The following GRM8 variants were observed in gnomAD, a reference collection of about 807,000 sequenced individuals.
The protein encoded by GRM8 is glutamate metabotropic receptor 8.
In GRM8, 47 loss-of-function variants were observed where a neutral mutation model predicts 87.2. The ratio of observed to expected loss-of-function variants is 0.54; its 90% confidence interval spans 0.43 to 0.69. The LOEUF (loss-of-function observed/expected upper bound fraction) is 0.69, where lower values mean the gene tolerates loss of function less well. Ranked by LOEUF, GRM8 falls within the 30% of genes least tolerant of loss-of-function variation. GRM8 has a pLI of 0.00. For synonymous variants in GRM8, 396 were observed against 404.5 expected (o/e 0.98, Z 0.25); for missense variants, 1,019 against 1,139.2 (o/e 0.89, Z 1.52).
At chr7:127,197,449 A>T (rs987179170) in intron 2 of GRM8, among the ~76,000 whole-genome samples, 5 of 152,200 alleles carry the variant, frequency 3.3e-5, no homozygotes, top group Non-Finnish European at 7.4e-5. Context: ...CAAGAGGGAG[A>T]GGGTTGTGAC....
At chr7:127,061,035 C>T (rs899733486) in intron 3 of GRM8, among the ~76,000 whole-genome samples, 5 of 152,202 alleles carry the variant, frequency 3.3e-5, no homozygotes, top group Admixed American at 6.5e-5. Flanking sequence ...CCATGTTGCA[C>T]ACCTACCTTG....
intron 3 of GRM8, among the ~76,000 whole-genome samples, chr7:127,023,569 T>G (rs1247605951): frequency 3.3e-5 from 5 of 152,130 alleles, no homozygotes; most frequent in Non-Finnish European, 7.4e-5. Flanking sequence ...GCTAGTCATA[T>G]TCTAAAACCT....
chr7:126,950,700 T>C (rs1430954437), intron 3 of GRM8, among the ~76,000 whole-genome samples: 1 of 152,158 alleles, frequency 6.6e-6, no homozygotes, highest in African/African-American at 2.4e-5. Context: ...TTCCCATGGC[T>C]TGTCTGTAAC....
chr7:126,730,560 A>T (rs1271780458), intron 7 of GRM8, among the ~76,000 whole-genome samples: 1 of 152,118 alleles, frequency 6.6e-6, no homozygotes, highest in Non-Finnish European at 1.5e-5. Context: ...AACAATGTGG[A>T]ACTGTTGAGA....
At chr7:126,715,435 A>G (rs993140302) in intron 7 of GRM8, among the ~76,000 whole-genome samples, 5 of 152,216 alleles carry the variant, frequency 3.3e-5, no homozygotes, top group African/African-American at 1.2e-4. Flanking sequence ...GGCACCATGT[A>G]TGGTCTGAAA....
intron 9 of GRM8, among the ~76,000 whole-genome samples, chr7:126,484,175 C>G (rs1348483666): frequency 6.6e-6 from 1 of 151,970 alleles, no homozygotes; most frequent in African/African-American, 2.4e-5. Flanking sequence ...TTTAGCATCT[C>G]CAAAGCAGGG....
At chr7:126,777,310 T>C (rs1819586324) in intron 6 of GRM8, among the ~76,000 whole-genome samples, 1 of 152,150 alleles carries the variant, frequency 6.6e-6, no homozygotes, top group African/African-American at 2.4e-5. Flanking sequence ...AATTCTAAAT[T>C]ATTACTACTC....
chr7:126,632,886 AGAG>A lies in GRM8; in HGVS notation c.1358-23391_1358-23389del, dbSNP rs747415834. Among the ~76,000 whole-genome samples, 7 of 152,170 alleles carry A rather than the reference AGAG, an allele frequency of 4.6e-5. No homozygotes were observed. In the South Asian group the frequency reaches 1.2e-3, roughly 27 times the overall value. ...CACACACTGGGGCCTGTCAGATGGT[AGAG>A]GATAGGAGGAGCGAGAGCATGATAT... On this transcript the variant is annotated intron_variant, in intron 7 of 10. Coordinates refer to ENST00000339582, the MANE Select transcript of GRM8 (RefSeq NM_000845.3).
chr7:126,867,027 C>T (rs1263761435), intron 6 of GRM8, among the ~76,000 whole-genome samples: 1 of 152,040 alleles, frequency 6.6e-6, no homozygotes, highest in Non-Finnish European at 1.5e-5. Context: ...GGTATCACAG[C>T]AATATTAGGG....
At chr7:127,026,715 G>A (rs1430972403) in intron 3 of GRM8, among the ~76,000 whole-genome samples, 4 of 152,138 alleles carry the variant, frequency 2.6e-5, no homozygotes, top group Non-Finnish European at 4.4e-5. Context: ...ATTTGTTTAA[G>A]TTCTTTGTAG....
chr7:126,830,215 C>T (rs543703517), intron 6 of GRM8, among the ~76,000 whole-genome samples: 6 of 152,156 alleles, frequency 3.9e-5, no homozygotes, highest in Non-Finnish European at 8.8e-5. Flanking sequence ...ATCTTTGTGG[C>T]ATTCTCTGTA....
At chr7:126,973,307 A>G (rs1460758915) in intron 3 of GRM8, among the ~76,000 whole-genome samples, 1 of 152,190 alleles carries the variant, frequency 6.6e-6, no homozygotes, top group Non-Finnish European at 1.5e-5. Context: ...TGTATAAAAT[A>G]GTGGTTAGAG....
At chr7:127,034,953 G>A (rs1817714090) in intron 3 of GRM8, among the ~76,000 whole-genome samples, 1 of 152,218 alleles carries the variant, frequency 6.6e-6, no homozygotes, top group Admixed American at 6.5e-5. Flanking sequence ...AGCTTTAAAA[G>A]CAAATATTTT....
intron 7 of GRM8, among the ~76,000 whole-genome samples, chr7:126,665,068 A>G (rs539727474): frequency 6.6e-6 from 1 of 152,294 alleles, no homozygotes; most frequent in South Asian, 2.1e-4. Context: ...ATGAGATACC[A>G]TCTCACACCA....
intron 7 of GRM8, among the ~76,000 whole-genome samples, chr7:126,737,464 C>A (rs1814364802): frequency 6.6e-6 from 1 of 151,978 alleles, no homozygotes; most frequent in Admixed American, 6.6e-5. Flanking sequence ...TAATAAAACT[C>A]CAGTCTCCCG....
intron 6 of GRM8, among the ~76,000 whole-genome samples, chr7:126,860,957 A>T (rs1456476022): frequency 6.6e-6 from 1 of 152,180 alleles, no homozygotes; most frequent in Non-Finnish European, 1.5e-5. Context: ...CGTATGGTGA[A>T]CATATTAAAA....
At chr7:127,164,739 C>T (rs1793333117) in intron 2 of GRM8, among the ~76,000 whole-genome samples, 1 of 152,002 alleles carries the variant, frequency 6.6e-6, no homozygotes, top group Non-Finnish European at 1.5e-5. Context: ...TCAAAACACT[C>T]ATCTCAAAAT....
chr7:127,003,326 C>T (rs1813911109), intron 3 of GRM8, among the ~76,000 whole-genome samples: 1 of 151,674 alleles, frequency 6.6e-6, no homozygotes, highest in African/African-American at 2.4e-5. Context: ...AAAGAATCTC[C>T]ACACTTAGCT....
intron 2 of GRM8, among the ~76,000 whole-genome samples, chr7:127,190,880 T>G (rs1794993655): frequency 1.3e-5 from 2 of 152,188 alleles, no homozygotes. Flanking sequence ...GTGAATGAAT[T>G]GATTTCTTTC....
Sources: gnomAD v4.1 joint callset for allele counts (sites outside exome capture counted in the v4.1 genomes callset) on GRCh38, gnomAD v4.1.1 for gene constraint, MANE v1.5 for transcripts, NCBI Gene and HGNC (gene_info 2026-07-23, HGNC 2026-07-21) for gene names.